Variants in TMEM108 observed in about 807,000 individuals in gnomAD.
TMEM108 encodes the protein transmembrane protein 108.
Under a neutral mutation model 35.1 loss-of-function variants are expected in TMEM108, and 12 were observed. The observed-to-expected ratio is 0.34, with a 90% CI of 0.22 to 0.55. The LOEUF is 0.55. Ranked by LOEUF, TMEM108 falls within the 20% of genes least tolerant of loss-of-function variation. The probability of loss-of-function intolerance (pLI) is 0.89; values close to 1 mark genes in which losing one functional copy is unlikely to be tolerated. For missense variants in TMEM108, 680 were observed against 753.3 expected, an observed-to-expected ratio of 0.90 and a Z score of 1.14; for synonymous variants, 287 against 308.6, an observed-to-expected ratio of 0.93 and a Z score of 0.73.
In TMEM108 at chr3:133,171,261, G is replaced by T. The variant is rs150184713; in HGVS notation, c.-46-58005G>T. Among the ~76,000 whole-genome samples, 755 of 152,272 alleles carry T rather than the reference G, an allele frequency of 5.0e-3. 8 individuals are homozygous for T. Among genetic ancestry groups the T allele is most frequent in the African/African-American group, 0.017 (718 of 41,560 alleles). On this transcript the variant is annotated intron_variant, in intron 2 of 5. Coordinates refer to ENST00000321871, the MANE Select transcript of TMEM108 (RefSeq NM_023943.4). ...TGTGATGTGCTTTCAGAGAGTATCA[G>T]TTTTGCTTAAGGATGTTAGGGGCAC...
chr3:133,391,978 G>A (rs188021368), intron 5 of TMEM108, among the ~76,000 whole-genome samples: 9 of 152,002 alleles, frequency 5.9e-5, no homozygotes, highest in African/African-American at 1.2e-4. Flanking sequence ...AGCCAATTCC[G>A]AGCACTCATC....
intron 2 of TMEM108, among the ~76,000 whole-genome samples, chr3:133,138,719 A>G (rs1025089966): frequency 1.3e-5 from 2 of 151,958 alleles, no homozygotes; most frequent in African/African-American, 4.8e-5. Context: ...TTTGCAGTTA[A>G]GTGGATTTTG....
chr3:133,301,658 G>T (rs1576442194), intron 3 of TMEM108, among the ~76,000 whole-genome samples: 1 of 152,040 alleles, frequency 6.6e-6, no homozygotes, highest in South Asian at 2.1e-4. Flanking sequence ...GATGGGATTA[G>T]GGGAAAAAAC....
At chr3:133,158,465 T>TAAAA (rs11328701) in intron 2 of TMEM108, among the ~76,000 whole-genome samples, 264 of 80,038 alleles carry the variant, frequency 3.3e-3, no homozygotes, top group Non-Finnish European at 4.2e-3. Flanking sequence ...AGACTCTGTC[T>TAAAA]AAAAAAAAAA....
chr3:133,173,979 C>T (rs207463731), intron 2 of TMEM108, among the ~76,000 whole-genome samples: 1 of 152,350 alleles, frequency 6.6e-6, no homozygotes, highest in African/African-American at 2.4e-5. Flanking sequence ...CACTCCCACC[C>T]TCATACTGCA....
intron 2 of TMEM108, among the ~76,000 whole-genome samples, chr3:133,061,512 C>T (rs9875380): frequency 0.39 from 59,940 of 151,922 alleles, 12,489 homozygotes; most frequent in Admixed American, 0.47. Flanking sequence ...CGTGCCCAGC[C>T]GGGCATGTCT....
chr3:133,259,557 A>T (rs1326151830), intron 3 of TMEM108, among the ~76,000 whole-genome samples: 2 of 152,246 alleles, frequency 1.3e-5, no homozygotes, highest in Non-Finnish European at 2.9e-5. Flanking sequence ...TTGGCTGCAA[A>T]TAAATAATTG....
At chr3:133,295,245 G>C (rs922721935) in intron 3 of TMEM108, among the ~76,000 whole-genome samples, 2 of 152,130 alleles carry the variant, frequency 1.3e-5, no homozygotes, top group Non-Finnish European at 2.9e-5. Context: ...GGAACCCTGA[G>C]AACCATAGCA....
intron 3 of TMEM108, among the ~76,000 whole-genome samples, chr3:133,327,134 G>A (rs1291664686): frequency 6.6e-6 from 1 of 152,170 alleles, no homozygotes; most frequent in African/African-American, 2.4e-5. Flanking sequence ...GAAGGATGCT[G>A]AGTGGACAAA....
chr3:133,360,007 T>TAAAAAAAAAAAAAAAAAAAAAAAA (rs59374214), intron 3 of TMEM108, among the ~76,000 whole-genome samples: 2 of 112,922 alleles, frequency 1.8e-5, no homozygotes. Flanking sequence ...ACTCAACAGT[T>TAAAAAAAAAAAAAAAAAAAAAAAA]AAAAAAAAAA....
intron 2 of TMEM108, among the ~76,000 whole-genome samples, chr3:133,205,357 T>C (rs1265364511): frequency 6.6e-6 from 1 of 152,174 alleles, no homozygotes; most frequent in African/African-American, 2.4e-5. Flanking sequence ...TGGTGCTAGC[T>C]GGTTATTTTG....
intron 3 of TMEM108, among the ~76,000 whole-genome samples, chr3:133,324,008 C>G (rs555280760): frequency 4.6e-5 from 7 of 152,260 alleles, no homozygotes; most frequent in Admixed American, 2.6e-4. Context: ...CCTCTCTCAC[C>G]TTATACAAAA....
chr3:133,121,577 G>C (rs1351947793), intron 2 of TMEM108, among the ~76,000 whole-genome samples: 3 of 152,206 alleles, frequency 2.0e-5, no homozygotes, highest in Admixed American at 2.0e-4. Context: ...ATCTGTCTAT[G>C]AAGGTGCTCA....
chr3:133,267,725 G>T (rs1456445238), intron 3 of TMEM108, among the ~76,000 whole-genome samples: 1 of 152,144 alleles, frequency 6.6e-6, no homozygotes, highest in Non-Finnish European at 1.5e-5. Context: ...GGGGCTAGAG[G>T]ATCTGCTTCT....
chr3:133,189,512 A>G (rs913897510), intron 2 of TMEM108, among the ~76,000 whole-genome samples: 2 of 152,216 alleles, frequency 1.3e-5, no homozygotes, highest in Non-Finnish European at 2.9e-5. Flanking sequence ...TCTGTGTGGT[A>G]GAAGAGAGAA....
chr3:133,317,127 C>G lies in TMEM108; in HGVS notation c.41-62625C>G, dbSNP rs149512182. 5.9e-5 allele frequency among the ~76,000 whole-genome samples: 9 copies of G among 152,270 alleles called. No individual in the cohort carries two copies. The East Asian group carries it at 1.7e-3, about 29-fold the overall frequency. On this transcript the variant is annotated intron_variant, in intron 3 of 5. Transcript: ENST00000321871. ...TATTGTGAGTGATTGAAAAGCATTC[C>G]AAGTTCCTGGACTGACAAACATTCT...
intron 3 of TMEM108, among the ~76,000 whole-genome samples, chr3:133,313,420 C>G (rs891442852): frequency 6.6e-6 from 1 of 152,086 alleles, no homozygotes; most frequent in African/African-American, 2.4e-5. Context: ...CTCCTGACCT[C>G]GTGATCCACC....
chr3:133,288,799 G>C (rs558705491), intron 3 of TMEM108, among the ~76,000 whole-genome samples: 1 of 152,238 alleles, frequency 6.6e-6, no homozygotes, highest in South Asian at 2.1e-4. Context: ...GAGTGCAGTG[G>C]TGCAATCTCA....
chr3:133,159,239 T>C (rs761244243), intron 2 of TMEM108, among the ~76,000 whole-genome samples: 3 of 152,246 alleles, frequency 2.0e-5, no homozygotes, highest in Non-Finnish European at 4.4e-5. Context: ...TTTATCACTA[T>C]GATATACTTC....
Sources: gnomAD v4.1 joint callset for allele counts (sites outside exome capture counted in the v4.1 genomes callset) on GRCh38, gnomAD v4.1.1 for gene constraint, MANE v1.5 for transcripts, NCBI Gene and HGNC (gene_info 2026-07-23, HGNC 2026-07-21) for gene names.